The following PSG6 variants were observed in gnomAD, a reference collection of about 807,000 sequenced individuals.
PSG6 encodes the protein pregnancy specific beta-1-glycoprotein 6.
Under a neutral mutation model 43.3 loss-of-function variants are expected in PSG6, and 51 were observed. The observed-to-expected ratio is 1.18, with a 90% CI of 0.94 to 1.49. PSG6 has a LOEUF of 1.49. Ranked by LOEUF, PSG6 falls within the 40% of genes most tolerant of loss-of-function variation. The pLI, the probability that PSG6 is intolerant of heterozygous loss-of-function variation, is 0.00. For synonymous variants in PSG6, 292 were observed against 197.6 expected (o/e 1.48, Z -4.01); for missense variants, 770 against 522.2 (o/e 1.47, Z -4.62).
At chr19:42,913,341 G>A (rs1201502264) in intron 2 of PSG6, among the ~76,000 whole-genome samples, 2 of 151,536 alleles carry the variant, frequency 1.3e-5, no homozygotes, top group African/African-American at 2.4e-5. Flanking sequence ...TAGTAGAGAC[G>A]GGGTTTCACC....
At position 42,906,940 on chromosome 19, in the gene PSG6, T is replaced by C. The variant is rs1136198; in HGVS notation, c.1222A>G (p.Met408Val). 8 of 1,612,322 alleles carry C rather than the reference T, an allele frequency of 5.0e-6. No homozygotes were observed. Among genetic ancestry groups the C allele is most frequent in the South Asian group, 2.2e-5 (2 of 90,836 alleles). ...SATGKEISKSMIVKVSGPCHG... is the reference protein window; with the variant it reads ...SATGKEISKSVIVKVSGPCHG... ...CACTTACCAGAGACTTTGACTATCA[T>C]GGATTTGGAGATTTCCTTGCCAGTG... Residue 408 changes from methionine to valine, a missense_variant, in exon 5 of 6, where the codon ATG becomes GTG. Transcript: ENST00000187910.
At chr19:42,910,449 G>T in intron 3 of PSG6, 131 bp downstream of exon 3, 1 of 1,606,912 alleles carries the variant, frequency 6.2e-7, no homozygotes. Context: ...GGAGCAGAAA[G>T]TCATGGCCAG....
chr19:42,912,250 C>T (rs1427247607), intron 2 of PSG6, among the ~76,000 whole-genome samples: 1 of 151,258 alleles, frequency 6.6e-6, no homozygotes, highest in African/African-American at 2.4e-5. Flanking sequence ...TGTAATTTTC[C>T]CATAAAAAGT....
At chr19:42,910,205 A>C in intron 3 of PSG6, 1 of 391,838 alleles carries the variant, frequency 2.6e-6, no homozygotes, top group Non-Finnish European at 4.7e-6. Context: ...CACAGGCGAT[A>C]TTGTCAGAGG....
At chr19:42,911,106 G>A (rs908761506) in intron 2 of PSG6, among the ~76,000 whole-genome samples, 1 of 151,542 alleles carries the variant, frequency 6.6e-6, no homozygotes, top group African/African-American at 2.4e-5. Flanking sequence ...TTGGGTCATG[G>A]AAAGACACAG....
At chr19:42,909,866 C>CT (rs1972184924) in intron 3 of PSG6, 2 of 155,794 alleles carry the variant, frequency 1.3e-5, no homozygotes, top group African/African-American at 4.8e-5. Flanking sequence ...TCCCTGACAG[C>CT]TAGATAGACT....
At chr19:42,914,587 G>C (rs1321459793) in intron 2 of PSG6, among the ~76,000 whole-genome samples, 5 of 150,732 alleles carry the variant, frequency 3.3e-5, no homozygotes, top group African/African-American at 7.3e-5. Context: ...GTTGCATGAG[G>C]TGGGGTGGCT....
chr19:42,910,916 C>A, intron 2 of PSG6, 58 bp from the exon 3 acceptor site: 1 of 1,543,744 alleles, frequency 6.5e-7, no homozygotes, highest in Admixed American at 2.0e-5. Context: ...CCTCCAAAGG[C>A]ATTTTTCAAT....
intron 5 of PSG6, among the ~76,000 whole-genome samples, chr19:42,906,051 GAT>G: frequency 2.0e-5 from 3 of 151,624 alleles, no homozygotes; most frequent in Middle Eastern, 6.8e-3. Flanking sequence ...TCTAATATTA[GAT>G]ATATATAAAG....
At chr19:42,908,445 GT>G (rs1230825127) in intron 3 of PSG6, among the ~76,000 whole-genome samples, 94 of 151,712 alleles carry the variant, frequency 6.2e-4, no homozygotes, top group Admixed American at 1.7e-3. Flanking sequence ...AGGTGGGGCA[GT>G]TTTTTTGCAG....
intron 2 of PSG6, chr19:42,915,721 G>T (rs1688180395): frequency 3.5e-6 from 1 of 289,788 alleles, no homozygotes. Flanking sequence ...AAGGATTTAG[G>T]GACAGGGGTC....
Position 42,907,835 on chromosome 19 carries a change from G to A in PSG6, c.726C>T (p.Tyr242=). Residue 242 remains tyrosine, a synonymous_variant, in exon 4 of 6, where the codon TAC becomes TAT. Transcript: ENST00000187910. ...TGGGGTTTAAGTTGTTGATGGTGAT[G>A]TAAGGCATGGGCAGCTTCGCTGTGT... is the stretch of plus-strand genomic sequence containing the variant. ...LNLLPKLPMP[Y]ITINNLNPRE... The A allele has an allele frequency of 1.2e-6, 2 of 1,611,642 alleles. No homozygotes were observed.
At position 42,916,200 on chromosome 19, in the gene PSG6, A is replaced by T. The variant is rs763147923; in HGVS notation, c.352T>A (p.Ser118Thr). 1.9e-6 allele frequency: 3 copies of T among 1,612,070 alleles called. No individual in the cohort carries two copies. The highest frequency in any genetic ancestry group is 2.7e-5 in the African/African-American group (2 of 74,718). Residue 118 changes from serine (S) to threonine (T), a missense_variant, in exon 2 of 6, where the codon TCC (serine) becomes ACC (threonine). Physicochemically the swap from Ser to Thr is moderately conservative, Grantham distance 58 (BLOSUM62 1). Coordinates refer to ENST00000187910, the MANE Select transcript of PSG6 (RefSeq NM_001031850.4). ...CGCTTTATGATGTGTAAGGTGTAGG[A>T]TCCTGCATCCTCCTGTGTGACATTC... ...IQNVTQEDAGSYTLHIIKRGD... is the reference protein window; with the variant it reads ...IQNVTQEDAGTYTLHIIKRGD...
rs373193419 is a variant in PSG6, at chr19:42,910,898, C to G, written c.428-40G>C. The G allele has an allele frequency of 3.2e-4, 497 of 1,563,742 alleles. 9 individuals carry two copies. The African/African-American group carries it at 5.8e-3, about 18-fold the overall frequency. Reference sequence around the variant, plus strand: ...GAGAGAAGATTGCCCTGTGTGGCACCTTTGATTCCTCCAAAGGCATTTTTC... The same window carrying G: ...GAGAGAAGATTGCCCTGTGTGGCACGTTTGATTCCTCCAAAGGCATTTTTC... On this transcript the variant is annotated intron_variant, in intron 2 of 5. Coordinates refer to ENST00000187910, the MANE Select transcript of PSG6 (RefSeq NM_001031850.4).
chr19:42,913,543 T>C (rs1276416416), intron 2 of PSG6, among the ~76,000 whole-genome samples: 1 of 151,688 alleles, frequency 6.6e-6, no homozygotes, highest in African/African-American at 2.4e-5. Flanking sequence ...GTTTTATGCC[T>C]GACAGGAAGC....
Position 42,902,259 on chromosome 19 carries a change from T to A in PSG6, c.*153A>T, listed in dbSNP as rs960582965. On this transcript the variant is annotated 3_prime_UTR_variant, in exon 6 of 6. Transcript: ENST00000187910. ...TTCATAAATCTGGAGAATAAAACAT[T>A]CCAAGAATCAGCACATTTTCCAATA... is the stretch of plus-strand genomic sequence containing the variant. 83 of 1,016,508 alleles carry A rather than the reference T, an allele frequency of 8.2e-5. No individual in the cohort carries two copies. In the African/African-American group the frequency reaches 1.3e-3, roughly 16 times the overall value. 63.0% of individuals were successfully genotyped at this position (1,016,508 alleles called of 1,614,324 possible). A position where few individuals can be genotyped will look rare whatever the true frequency, so the allele number is the denominator to read the frequency against.
Position 42,902,414 on chromosome 19 carries a change from A to G in PSG6, c.1273T>C (p.Ter425GlnextTer5). The change falls in exon 6 of 6, where the codon TAA becomes CAA. Residue 425 changes from the stop codon to glutamine, a stop_lost. Coordinates refer to ENST00000187910, the MANE Select transcript of PSG6 (RefSeq NM_001031850.4). ...PCHGNQTESH[*>Q] ...CAGTGTCTCTATTGTGGCAGCCATT[A>G]ATGAGACTCTGTCTGGTTTCCATGG... The G allele has an allele frequency of 1.2e-6, 2 of 1,611,092 alleles. No homozygotes were observed. The highest frequency in any genetic ancestry group is 1.7e-6 in the Non-Finnish European group (2 of 1,178,274).
At position 42,916,241 on chromosome 19, in the gene PSG6, G is replaced by T. The variant is rs769630585; in HGVS notation, c.311C>A (p.Ala104Glu). The T allele has an allele frequency of 6.2e-7, 1 of 1,612,272 alleles. No individual in the cohort carries two copies. The highest frequency in any genetic ancestry group is 8.5e-7 in the Non-Finnish European group (1 of 1,179,116). The change falls in exon 2 of 6, where the codon GCA becomes GAA. Residue 104 changes from alanine (A) to glutamate (E), a missense_variant. Coordinates refer to ENST00000187910, the MANE Select transcript of PSG6 (RefSeq NM_001031850.4). ...YSGRETVYSN[A>E]SLLIQNVTQE... ...TGTGACATTCTGGATCAGCAGGGAT[G>T]CATTGGAATATACTGTTTCTCGTCC...
intron 2 of PSG6, among the ~76,000 whole-genome samples, chr19:42,911,781 A>G (rs1391454502): frequency 6.6e-6 from 1 of 151,744 alleles, no homozygotes; most frequent in Non-Finnish European, 1.5e-5. Context: ...GAAGTCTTGC[A>G]GATACTTTCT....
Sources: allele counts gnomAD v4.1 joint callset (sites outside exome capture counted in the v4.1 genomes callset), GRCh38; gene constraint gnomAD v4.1.1; transcripts MANE v1.5; gene names NCBI Gene and HGNC (gene_info 2026-07-23, HGNC 2026-07-21).